PPP1R12B: variants seen among roughly 807,000 people sequenced by gnomAD.
PPP1R12B encodes the protein protein phosphatase 1 regulatory subunit 12B.
In PPP1R12B, 76 loss-of-function variants were observed where a neutral mutation model predicts 126.1. The observed-to-expected ratio is 0.60, with a 90% CI of 0.50 to 0.73. The LOEUF (loss-of-function observed/expected upper bound fraction) is 0.73, where lower values mean the gene tolerates loss of function less well. PPP1R12B is among the 30% of genes least tolerant of loss of function. PPP1R12B has a pLI of 0.00. For missense variants in PPP1R12B, 1,052 were observed against 1,205.1 expected (o/e 0.87, Z 1.88); for synonymous variants, 356 against 434.7 (o/e 0.82, Z 2.25).
At chr1:202,483,252 T>C (rs1017183634) in intron 13 of PPP1R12B, among the ~76,000 whole-genome samples, 5 of 151,848 alleles carry the variant, frequency 3.3e-5, no homozygotes, top group African/African-American at 1.2e-4. Flanking sequence ...AATTTTAGGA[T>C]TTTGTTTTAT....
At chr1:202,470,247 G>T (rs1467123507) in intron 13 of PPP1R12B, among the ~76,000 whole-genome samples, 1 of 152,072 alleles carries the variant, frequency 6.6e-6, no homozygotes, top group African/African-American at 2.4e-5. Context: ...CCCTATGGCG[G>T]ACCAATTTTT....
chr1:202,549,950 A>T (rs1399160420), intron 18 of PPP1R12B, among the ~76,000 whole-genome samples: 1 of 152,192 alleles, frequency 6.6e-6, no homozygotes, highest in Non-Finnish European at 1.5e-5. Flanking sequence ...TCTGGAAAGG[A>T]GTCAGAGGCC....
At chr1:202,407,666 A>T (rs1666810291) in intron 1 of PPP1R12B, among the ~76,000 whole-genome samples, 1 of 152,194 alleles carries the variant, frequency 6.6e-6, no homozygotes, top group Admixed American at 6.5e-5. Context: ...CTATATCATG[A>T]TTGGAGTGAA....
At chr1:202,576,324 A>G (rs936357753) in intron 23 of PPP1R12B, 5 of 152,112 alleles carry the variant, frequency 3.3e-5, no homozygotes, top group African/African-American at 9.7e-5. Context: ...TGGGGTCACC[A>G]CTCCTCTGAG....
chr1:202,402,384 A>G (rs1238697438), intron 1 of PPP1R12B, among the ~76,000 whole-genome samples: 1 of 151,962 alleles, frequency 6.6e-6, no homozygotes, highest in Non-Finnish European at 1.5e-5. Context: ...ATTGGTTTGT[A>G]TTTTTCATTC....
intron 13 of PPP1R12B, among the ~76,000 whole-genome samples, chr1:202,487,613 T>C (rs1291306363): frequency 1.3e-5 from 2 of 150,994 alleles, no homozygotes; most frequent in Non-Finnish European, 2.9e-5. Context: ...CTTTTTTTTT[T>C]TTCTTTTTTT....
chr1:202,472,076 C>G (rs966298762), intron 13 of PPP1R12B: 9 of 1,591,488 alleles, frequency 5.7e-6, no homozygotes, highest in East Asian at 2.2e-5. Context: ...TCCTCTTCTC[C>G]TCTTCTGGAG....
chr1:202,522,961 T>G (rs1036221383), intron 18 of PPP1R12B, among the ~76,000 whole-genome samples: 1 of 152,156 alleles, frequency 6.6e-6, no homozygotes, highest in East Asian at 1.9e-4. Context: ...TGTTGCAGAT[T>G]TTAACACACC....
rs752399134 is a variant in PPP1R12B at position 202,427,075 on chromosome 1, A to C, written c.737A>C (p.Gln246Pro). ...CAGGCTGGCTATGAACTCAATGTTC[A>C]GGATTATGATGGCTGGACTCCCCTC... Reference protein sequence around the residue: ...LIQAGYELNVQDYDGWTPLHA... With the variant: ...LIQAGYELNVPDYDGWTPLHA... Residue 246 changes from glutamine to proline, a missense_variant, in exon 5 of 24, where the codon CAG (glutamine) becomes CCG (proline). Physicochemically the swap from Gln to Pro is moderately conservative, Grantham distance 76 (BLOSUM62 -1). Transcript: ENST00000608999. 1 of 1,613,976 alleles carries C rather than the reference A, an allele frequency of 6.2e-7. No individual in the cohort carries two copies. The highest frequency in any genetic ancestry group is 8.5e-7 in the Non-Finnish European group (1 of 1,179,994).
intron 1 of PPP1R12B, among the ~76,000 whole-genome samples, chr1:202,384,840 T>C (rs1160798529): frequency 2.0e-5 from 3 of 152,208 alleles, no homozygotes; most frequent in Admixed American, 1.3e-4. Context: ...GATTAAACAT[T>C]TGTGCATCTT....
At chr1:202,383,013 A>G (rs1662587125) in intron 1 of PPP1R12B, among the ~76,000 whole-genome samples, 1 of 152,226 alleles carries the variant, frequency 6.6e-6, no homozygotes, top group Admixed American at 6.5e-5. Flanking sequence ...TTCATTATGT[A>G]GAGATAGTTA....
At chr1:202,574,853 T>C (rs1253191671) in intron 23 of PPP1R12B, 2 of 737,612 alleles carry the variant, frequency 2.7e-6, no homozygotes, top group Non-Finnish European at 4.3e-6. Context: ...GCTCCATGAC[T>C]CCTGCCTTTC....
At chr1:202,391,250 A>G (rs1277626599) in intron 1 of PPP1R12B, among the ~76,000 whole-genome samples, 4 of 152,240 alleles carry the variant, frequency 2.6e-5, no homozygotes, top group Admixed American at 1.3e-4. Flanking sequence ...TAAGGAAGAT[A>G]CACAAATGAC....
chr1:202,568,493 T>A (rs1457206184), intron 22 of PPP1R12B, among the ~76,000 whole-genome samples: 1 of 152,216 alleles, frequency 6.6e-6, no homozygotes, highest in Non-Finnish European at 1.5e-5. Context: ...TGTTGTCTGT[T>A]TAATTTGGAA....
At chr1:202,438,923 G>A in intron 10 of PPP1R12B, 1 of 1,528,004 alleles carries the variant, frequency 6.5e-7, no homozygotes. Flanking sequence ...GTGCCTGGAG[G>A]TGACCCCGAA....
At chr1:202,552,821 T>G (rs1302823353) in intron 18 of PPP1R12B, among the ~76,000 whole-genome samples, 2 of 152,250 alleles carry the variant, frequency 1.3e-5, no homozygotes, top group African/African-American at 2.4e-5. Flanking sequence ...TGACTTGGTC[T>G]CATTCCTTTC....
chr1:202,489,589 A>T (rs375361356), intron 14 of PPP1R12B, among the ~76,000 whole-genome samples: 1 of 152,238 alleles, frequency 6.6e-6, no homozygotes, highest in South Asian at 2.1e-4. Context: ...ATGCTAAGTG[A>T]AAGAAGCCAG....
intron 18 of PPP1R12B, among the ~76,000 whole-genome samples, chr1:202,544,397 G>A (rs1685442284): frequency 6.6e-6 from 1 of 152,126 alleles, no homozygotes; most frequent in Admixed American, 6.5e-5. Flanking sequence ...AAAAGTAAGA[G>A]CCAGGTAATC....
chr1:202,348,857 G>T lies in PPP1R12B; in HGVS notation c.6G>T (p.Ala2=). Residue 2 remains alanine (A), a synonymous_variant, in exon 1 of 24, where the codon GCG becomes GCT. Coordinates refer to ENST00000608999, the MANE Select transcript of PPP1R12B (RefSeq NM_002481.4). M[A]ELEHLGGKRA... ...CAGCTGCCGAGGCCGGAGCAATGGC[G>T]GAACTGGAGCACCTAGGAGGGAAGC... is the stretch of plus-strand genomic sequence containing the variant. 3 of 1,607,698 alleles carry T rather than the reference G, an allele frequency of 1.9e-6. No homozygotes were observed. Among genetic ancestry groups the T allele is most frequent in the South Asian group, 1.1e-5 (1 of 90,458 alleles).
Sources: gnomAD v4.1 joint callset for allele counts (sites outside exome capture counted in the v4.1 genomes callset) on GRCh38, gnomAD v4.1.1 for gene constraint, MANE v1.5 for transcripts, NCBI Gene and HGNC (gene_info 2026-07-23, HGNC 2026-07-21) for gene names.